The following TANC1 variants were observed in gnomAD, a reference collection of about 807,000 sequenced individuals.
The protein encoded by TANC1 is tetratricopeptide repeat, ankyrin repeat and coiled-coil containing 1, also known as protein TANC1.
TANC1 carries 77 observed loss-of-function variants against 149.7 expected under a neutral mutation model. That is an observed-to-expected ratio of 0.51 (90% CI 0.43 to 0.62). The LOEUF (loss-of-function observed/expected upper bound fraction) is 0.62. Among genes scored for constraint, TANC1 ranks in the 20% least tolerant of loss-of-function variants. The pLI, the probability that TANC1 is intolerant of heterozygous loss-of-function variation, is 0.00. For missense variants in TANC1, 1,985 were observed against 2,321.8 expected (o/e 0.85, Z 2.98); for synonymous variants, 854 against 925.0 (o/e 0.92, Z 1.39).
At chr2:159,199,285 T>C (rs2058077733) in intron 19 of TANC1, among the ~76,000 whole-genome samples, 1 of 152,242 alleles carries the variant, frequency 6.6e-6, no homozygotes, top group Non-Finnish European at 1.5e-5. Context: ...TGAATTAGAC[T>C]AGCAGTTACG....
At chr2:159,017,357 G>A (rs1277377362) in intron 2 of TANC1, among the ~76,000 whole-genome samples, 2 of 152,114 alleles carry the variant, frequency 1.3e-5, no homozygotes, top group Non-Finnish European at 2.9e-5. Context: ...GTATTTTAAG[G>A]AACCTTTTAT....
At chr2:158,969,745 G>A (rs1020528081) in intron 1 of TANC1, among the ~76,000 whole-genome samples, 1 of 152,250 alleles carries the variant, frequency 6.6e-6, no homozygotes, top group Non-Finnish European at 1.5e-5. Context: ...AAAGCTCCGG[G>A]AGGAAATGTG....
intron 2 of TANC1, among the ~76,000 whole-genome samples, chr2:159,034,284 A>G (rs1044538829): frequency 1.1e-4 from 17 of 151,928 alleles, no homozygotes; most frequent in African/African-American, 3.9e-4. Flanking sequence ...ATTCACTCCA[A>G]CTTTCTTCAG....
chr2:159,159,715 TGTGAGAGAGAGAGAGA>T (rs1473393674), intron 7 of TANC1, among the ~76,000 whole-genome samples: 6 of 63,220 alleles, frequency 9.5e-5, no homozygotes, highest in East Asian at 7.5e-4. Flanking sequence ...TGTGTGTGTG[TGTGAGAGAGAGAGAGA>T]GAGAGAGAGA....
At chr2:159,030,537 A>C (rs2039696171) in intron 2 of TANC1, among the ~76,000 whole-genome samples, 1 of 152,160 alleles carries the variant, frequency 6.6e-6, no homozygotes. Flanking sequence ...GGTTGATAAG[A>C]AGCTCTCTGA....
intron 12 of TANC1, 135 bp from the exon 13 acceptor site, chr2:159,176,217 G>A (rs2150519822): frequency 2.0e-6 from 1 of 512,532 alleles, no homozygotes; most frequent in Admixed American, 4.1e-5. Flanking sequence ...ATATGCTTCT[G>A]TGAAAACTGT....
At chr2:159,128,712 C>T (rs1444203511) in intron 4 of TANC1, among the ~76,000 whole-genome samples, 1 of 152,052 alleles carries the variant, frequency 6.6e-6, no homozygotes, top group African/African-American at 2.4e-5. Flanking sequence ...TTGGGTAGGC[C>T]AAGTCATCAT....
At chr2:159,099,261 T>C (rs1383035926) in intron 4 of TANC1, among the ~76,000 whole-genome samples, 1 of 152,196 alleles carries the variant, frequency 6.6e-6, no homozygotes, top group Non-Finnish European at 1.5e-5. Flanking sequence ...GACCTGTTTA[T>C]CAGTATTTGG....
At chr2:158,993,722 C>A (rs976458474) in intron 1 of TANC1, among the ~76,000 whole-genome samples, 2 of 152,080 alleles carry the variant, frequency 1.3e-5, no homozygotes, top group Non-Finnish European at 2.9e-5. Context: ...GTCCTGAATT[C>A]TCTCCCCTGA....
chr2:158,979,291 C>T (rs2034031085), intron 1 of TANC1, among the ~76,000 whole-genome samples: 1 of 151,918 alleles, frequency 6.6e-6, no homozygotes, highest in Admixed American at 6.6e-5. Context: ...GAATTTCAGA[C>T]CAGCCTGGGC....
chr2:159,073,996 G>C (rs2043402952), intron 3 of TANC1, among the ~76,000 whole-genome samples: 1 of 152,182 alleles, frequency 6.6e-6, no homozygotes, highest in African/African-American at 2.4e-5. Flanking sequence ...TGCAGTTAAT[G>C]AGGGTGGCCA....
rs1409393574 is a variant in TANC1, at chr2:159,229,708, C to T, written c.4282C>T (p.Gln1428Ter). Residue 1428 changes from glutamine to a stop codon, truncating the protein, a stop_gained, in exon 27 of 27, where the codon CAG becomes TAG. Coordinates refer to ENST00000263635, the MANE Select transcript of TANC1 (RefSeq NM_033394.3). LOFTEE classifies it low-confidence loss of function (END_TRUNC). ...ACTCCAGAGGAGTCAACAGCAAAAA[C>T]AGCAGGGCCCGCTACCAGCTCCACT... The part of the protein sequence containing the change: ...KQLQRSQQQK[Q>*]QGPLPAPLND... 6.2e-7 allele frequency: 1 copy of T among 1,613,980 alleles called. No homozygotes were observed. The highest frequency in any genetic ancestry group is 1.7e-5 in the Admixed American group (1 of 60,004).
rs775529868 is a variant in TANC1 at position 159,219,975 on chromosome 2, A to AGTGTGTGTGT, written c.3678+109_3678+110insTGTGTGTGTG. On this transcript the variant is annotated intron_variant, in intron 22 of 26. Transcript: ENST00000263635. ...TGAGGTTGTGTCTCAGTGTCATCAGAGAGTGTGTGTGTGTGTGTGTGTGTG... is the reference window on the plus strand; with the variant it reads ...TGAGGTTGTGTCTCAGTGTCATCAGAGTGTGTGTGTGAGTGTGTGTGTGTGTGTGTGTGTG... 1.1e-3 allele frequency: 810 copies of AGTGTGTGTGT among 747,436 alleles called. 3 individuals carry two copies. Among genetic ancestry groups the AGTGTGTGTGT allele is most frequent in the Admixed American group, 4.9e-3 (167 of 34,256 alleles). 46.3% of individuals were successfully genotyped at this position (747,436 alleles called of 1,614,324 possible).
rs117623696 is a variant in TANC1 at position 159,108,685 on chromosome 2, C to T, written c.259+10851C>T. Among the ~76,000 whole-genome samples, 128 of 152,228 alleles carry T rather than the reference C, an allele frequency of 8.4e-4. 4 individuals are homozygous for T. The East Asian group carries it at 0.019, about 23-fold the overall frequency. ...CATCAGGTTTGCTGTGACAGGACTG[C>T]GCGTGCGTCTGCGTCTGTTGGCAGG... On this transcript the variant is annotated intron_variant, in intron 4 of 26. Coordinates refer to ENST00000263635, the MANE Select transcript of TANC1 (RefSeq NM_033394.3).
intron 8 of TANC1, among the ~76,000 whole-genome samples, chr2:159,164,936 A>G (rs2054428174): frequency 6.6e-6 from 1 of 152,202 alleles, no homozygotes; most frequent in Non-Finnish European, 1.5e-5. Flanking sequence ...TAGTCCTTCC[A>G]CAAGCTTTCC....
At chr2:159,027,214 C>T (rs1266968122) in intron 2 of TANC1, 1 of 152,194 alleles carries the variant, frequency 6.6e-6, no homozygotes, top group Non-Finnish European at 1.5e-5. Flanking sequence ...TTTAATTATA[C>T]ATTTTGTCTT....
intron 16 of TANC1, among the ~76,000 whole-genome samples, chr2:159,191,074 G>A (rs1021085557): frequency 2.0e-5 from 3 of 152,184 alleles, no homozygotes; most frequent in Non-Finnish European, 4.4e-5. Flanking sequence ...AGTTGACAGC[G>A]AGACCCTAGA....
intron 3 of TANC1, among the ~76,000 whole-genome samples, chr2:159,071,403 T>C (rs976767172): frequency 6.6e-6 from 1 of 152,226 alleles, no homozygotes; most frequent in African/African-American, 2.4e-5. Flanking sequence ...AAAAAAATTT[T>C]TTTTTGACCT....
intron 4 of TANC1, among the ~76,000 whole-genome samples, chr2:159,125,567 C>T (rs1419958694): frequency 2.0e-5 from 2 of 101,938 alleles, no homozygotes; most frequent in East Asian, 4.2e-4. Context: ...GTCCCCATTC[C>T]TTCCTTCCTC....
Sources: allele counts gnomAD v4.1 joint callset (sites outside exome capture counted in the v4.1 genomes callset), GRCh38; gene constraint gnomAD v4.1.1; transcripts MANE v1.5; gene names NCBI Gene and HGNC (gene_info 2026-07-23, HGNC 2026-07-21).